The following TMEM132B variants were observed in gnomAD, a reference collection of about 807,000 sequenced individuals.
TMEM132B encodes the protein transmembrane protein 132B.
A neutral mutation model predicts 90.8 loss-of-function variants in TMEM132B; 18 were observed. The observed-to-expected ratio is 0.20, with a 90% CI of 0.14 to 0.29. The LOEUF (loss-of-function observed/expected upper bound fraction) is 0.29. TMEM132B is among the 10% of genes least tolerant of loss of function. The probability of loss-of-function intolerance (pLI) is 1.00; values close to 1 mark genes in which losing one functional copy is unlikely to be tolerated. For synonymous variants in TMEM132B, 504 were observed against 523.3 expected (o/e 0.96, Z 0.50); for missense variants, 1,096 against 1,326.8 (o/e 0.83, Z 2.70).
chr12:125,192,990 C>A (rs754389993), intron 1 of TMEM132B, among the ~76,000 whole-genome samples: 1 of 152,126 alleles, frequency 6.6e-6, no homozygotes, highest in Non-Finnish European at 1.5e-5. Context: ...TAAACAACAA[C>A]GGCGTGCTGA....
intron 4 of TMEM132B, among the ~76,000 whole-genome samples, chr12:125,565,417 G>A (rs1482810204): frequency 6.6e-6 from 1 of 152,246 alleles, no homozygotes; most frequent in African/African-American, 2.4e-5. Flanking sequence ...TGAAGCCCAA[G>A]TGTGCGTATG....
In TMEM132B at chr12:125,654,754, T is replaced by C. The variant is rs748222241; in HGVS notation, c.*44T>C. 6.4e-7 allele frequency: 1 copy of C among 1,574,224 alleles called. No homozygotes were observed. Among genetic ancestry groups the C allele is most frequent in the South Asian group, 1.2e-5 (1 of 84,680 alleles). On this transcript the variant is annotated 3_prime_UTR_variant, in exon 9 of 9. Coordinates refer to ENST00000682704, the MANE Select transcript of TMEM132B (RefSeq NM_001366854.1). This position sits in a 1 kb window ranked among gnomAD's most constrained non-coding sequence, Gnocchi z 5.8. ...TATTCACCTTTATGCCTTCTGTTTTTTGAATGCTGGAGCAGTGAGTTTGAT... is the reference window on the plus strand; with the variant it reads ...TATTCACCTTTATGCCTTCTGTTTTCTGAATGCTGGAGCAGTGAGTTTGAT...
chr12:125,573,936 C>A (rs2189792), intron 4 of TMEM132B, among the ~76,000 whole-genome samples: 1 of 152,218 alleles, frequency 6.6e-6, no homozygotes, highest in East Asian at 1.9e-4. Context: ...ACTCCAACTT[C>A]TTTTTAACCA....
At chr12:125,262,960 C>T (rs1021273125) in intron 1 of TMEM132B, among the ~76,000 whole-genome samples, 1 of 152,194 alleles carries the variant, frequency 6.6e-6, no homozygotes, top group African/African-American at 2.4e-5. Context: ...AAACCAGCCT[C>T]CCAGGCCCCT....
chr12:125,186,557 G>T lies in TMEM132B; in HGVS notation c.-243G>T, dbSNP rs1276500625. On this transcript the variant is annotated 5_prime_UTR_variant, in exon 1 of 9. Transcript: ENST00000682704. This position sits in a 1 kb window ranked among gnomAD's most constrained non-coding sequence, Gnocchi z 6.3. ...GCGGGGCAGCCGGCCAGGGCGCGGG[G>T]CGCTGAGCCTCGGCCGCCCCAGCTC... Among the ~76,000 whole-genome samples, 5 of 146,688 alleles carry T rather than the reference G, an allele frequency of 3.4e-5. No homozygotes were observed. Among genetic ancestry groups the T allele is most frequent in the Non-Finnish European group, 6.1e-5 (4 of 65,948 alleles).
At chr12:125,508,947 C>A (rs1322886304) in intron 3 of TMEM132B, among the ~76,000 whole-genome samples, 3 of 151,804 alleles carry the variant, frequency 2.0e-5, no homozygotes, top group Non-Finnish European at 1.5e-5. Flanking sequence ...CCACGCCTGG[C>A]TAATTTTTGT....
At chr12:125,292,204 C>T (rs1160708968) in intron 1 of TMEM132B, among the ~76,000 whole-genome samples, 7 of 152,172 alleles carry the variant, frequency 4.6e-5, no homozygotes, top group Admixed American at 1.3e-4. Context: ...CTAGATTAAA[C>T]CTTCTAATTC....
chr12:125,651,678 A>G (rs1368898461), intron 7 of TMEM132B, among the ~76,000 whole-genome samples: 2 of 152,184 alleles, frequency 1.3e-5, no homozygotes, highest in East Asian at 1.9e-4. Flanking sequence ...CAGGTCAGGC[A>G]TCTGTGTGGG....
At chr12:125,399,992 A>G (rs1879270439) in intron 2 of TMEM132B, among the ~76,000 whole-genome samples, 2 of 152,082 alleles carry the variant, frequency 1.3e-5, no homozygotes, top group Non-Finnish European at 2.9e-5. Flanking sequence ...GCTGCCTTGG[A>G]TGGGGTGGAG....
chr12:125,293,641 T>C (rs1047331531), intron 1 of TMEM132B, among the ~76,000 whole-genome samples: 1 of 152,250 alleles, frequency 6.6e-6, no homozygotes, highest in African/African-American at 2.4e-5. Flanking sequence ...TTCTTTTTTA[T>C]GGCTATGTAA....
chr12:125,296,266 C>T (rs1875670596), intron 1 of TMEM132B, among the ~76,000 whole-genome samples: 1 of 152,238 alleles, frequency 6.6e-6, no homozygotes, highest in Non-Finnish European at 1.5e-5. Flanking sequence ...TGTCTCCTCA[C>T]TTTTCTTCCC....
intron 4 of TMEM132B, among the ~76,000 whole-genome samples, chr12:125,531,422 C>G (rs191151788): frequency 6.6e-6 from 1 of 152,224 alleles, no homozygotes; most frequent in Non-Finnish European, 1.5e-5. Context: ...CTCCTGGGCT[C>G]GAGTGATTCT....
chr12:125,526,275 C>T lies in TMEM132B; in HGVS notation c.1293+6650C>T, dbSNP rs539568260. On this transcript the variant is annotated intron_variant, in intron 4 of 8. Transcript: ENST00000682704. ...CTCTTCTTAGCCTCCCATCACCTTC[C>T]TAGGCCTGCTGGGCTCCTCGCACAG... Among the ~76,000 whole-genome samples the T allele has an allele frequency of 2.0e-5, 3 of 152,290 alleles. No individual in the cohort carries two copies. The East Asian group carries it at 5.8e-4, about 29-fold the overall frequency.
chr12:125,653,679 T>C lies in TMEM132B; in HGVS notation c.2221T>C (p.Ser741Pro). 1 of 1,614,210 alleles carries C rather than the reference T, an allele frequency of 6.2e-7. No homozygotes were observed. The highest frequency in any genetic ancestry group is 8.5e-7 in the Non-Finnish European group (1 of 1,180,046). The change falls in exon 9 of 9, where the codon TCT (serine) becomes CCT (proline). Residue 741 changes from serine to proline, a missense_variant. Coordinates refer to ENST00000682704, the MANE Select transcript of TMEM132B (RefSeq NM_001366854.1). ...CTCATCATTGGATGAAATGGTGGTG[T>C]CTGTCCAGGCAAACCTTGAGTCCAA... ...TVSSLDEMVV[S>P]VQANLESKWP...
chr12:125,259,037 G>A (rs1004178836), intron 1 of TMEM132B, among the ~76,000 whole-genome samples: 2 of 152,158 alleles, frequency 1.3e-5, no homozygotes, highest in Non-Finnish European at 2.9e-5. Flanking sequence ...GCTGTGAACT[G>A]TGAGGATGAC....
intron 2 of TMEM132B, among the ~76,000 whole-genome samples, chr12:125,364,463 A>T (rs1017504702): frequency 6.6e-6 from 1 of 152,024 alleles, no homozygotes; most frequent in African/African-American, 2.4e-5. Flanking sequence ...TTATTTTCTG[A>T]TGTGTTTAAA....
chr12:125,460,726 G>T lies in TMEM132B; in HGVS notation c.1106+45049G>T, dbSNP rs1000061821. 1.3e-5 allele frequency among the ~76,000 whole-genome samples: 2 copies of T among 152,194 alleles called. No homozygotes were observed. Among genetic ancestry groups the T allele is most frequent in the African/African-American group, 4.8e-5 (2 of 41,452 alleles). On this transcript the variant is annotated intron_variant, in intron 3 of 8. Transcript: ENST00000682704. This position sits in a 1 kb window ranked among gnomAD's most constrained non-coding sequence, Gnocchi z 4.4. Reference sequence around the variant, plus strand: ...ACTGGGGCCAGTGTCATCAGCGTGTGTATGTCATTGGCAGCCACTTCTTTT... The same window carrying T: ...ACTGGGGCCAGTGTCATCAGCGTGTTTATGTCATTGGCAGCCACTTCTTTT...
intron 2 of TMEM132B, among the ~76,000 whole-genome samples, chr12:125,350,664 G>A (rs563519721): frequency 1.3e-5 from 2 of 152,302 alleles, no homozygotes; most frequent in African/African-American, 4.8e-5. Flanking sequence ...GCGTCTGCTG[G>A]CTGGCAGTTA....
chr12:125,282,477 C>T (rs568044641), intron 1 of TMEM132B, among the ~76,000 whole-genome samples: 3 of 152,302 alleles, frequency 2.0e-5, no homozygotes, highest in South Asian at 4.2e-4. Flanking sequence ...TAACACTCTC[C>T]GCGTCTTCCA....
Sources: allele counts gnomAD v4.1 joint callset (sites outside exome capture counted in the v4.1 genomes callset), GRCh38; gene constraint gnomAD v4.1.1; non-coding constraint Gnocchi (gnomAD v3.1); transcripts MANE v1.5; gene names NCBI Gene and HGNC (gene_info 2026-07-23, HGNC 2026-07-21).